ANKRD26: variants seen among roughly 807,000 people sequenced by gnomAD.
The protein encoded by ANKRD26 is ankyrin repeat domain 26.
Under a neutral mutation model 208.7 loss-of-function variants are expected in ANKRD26, and 141 were observed. That is an observed-to-expected ratio of 0.68 (90% confidence interval 0.59 to 0.78). The LOEUF (loss-of-function observed/expected upper bound fraction) is 0.78, where lower values mean the gene tolerates loss of function less well. ANKRD26 is among the 30% of genes least tolerant of loss of function. The pLI, the probability that ANKRD26 is intolerant of heterozygous loss-of-function variation, is 0.00. For missense variants in ANKRD26, 1,889 were observed against 1,938.7 expected (o/e 0.97, Z 0.48); for synonymous variants, 636 against 660.4 (o/e 0.96, Z 0.57).
chr10:27,016,966 T>A (rs2053315446), intron 30 of ANKRD26, among the ~76,000 whole-genome samples: 2 of 152,016 alleles, frequency 1.3e-5, no homozygotes, highest in South Asian at 4.2e-4. Flanking sequence ...AGCAGGAGGA[T>A]CACTTGAAGC....
chr10:27,088,892 G>C (rs1279875604), intron 4 of ANKRD26, among the ~76,000 whole-genome samples: 1 of 152,206 alleles, frequency 6.6e-6, no homozygotes, highest in East Asian at 1.9e-4. Flanking sequence ...TCAAGGCTAA[G>C]ATATGGTCTC....
chr10:27,064,116 T>G, intron 11 of ANKRD26, 35 bp from the exon 12 acceptor site: 1 of 1,422,518 alleles, frequency 7.0e-7, no homozygotes, highest in Non-Finnish European at 9.8e-7. Flanking sequence ...AGTTTCAATT[T>G]TACAAAAAGA....
At position 27,037,983 on chromosome 10, in the gene ANKRD26, A is replaced by G. The variant is rs2054098660; in HGVS notation, c.2447T>C (p.Leu816Ser). The change falls in exon 22 of 34, where the codon TTA becomes TCA. Residue 816 changes from leucine (L) to serine (S), a missense_variant. Physicochemically the swap from Leu to Ser is moderately radical, Grantham distance 145. Around this residue, in one of 3 missense-constraint regions of ANKRD26, gnomAD observed 1,272 missense variants for 1,273.8 expected, o/e 1.00. Coordinates refer to ENST00000376087, the MANE Select transcript of ANKRD26 (RefSeq NM_014915.3). ...CCTATATTGCTCTTCTTTTCTTCTT[A>G]ACTGTTCCCTAATTTTTTCATACAA... ...DTLYEKIREQLRRKEEQYRKE... is the reference protein window; with the variant it reads ...DTLYEKIREQSRRKEEQYRKE... 2 of 1,612,902 alleles carry G rather than the reference A, an allele frequency of 1.2e-6. No homozygotes were observed. Among genetic ancestry groups the G allele is most frequent in the Non-Finnish European group, 1.7e-6 (2 of 1,179,710 alleles).
intron 3 of ANKRD26, among the ~76,000 whole-genome samples, chr10:26,986,101 A>C (rs1442468525): frequency 6.6e-6 from 1 of 152,192 alleles, no homozygotes; most frequent in African/African-American, 2.4e-5. Flanking sequence ...ATGGAACAGA[A>C]CAGAGCCCTC....
intron 21 of ANKRD26, among the ~76,000 whole-genome samples, chr10:27,039,345 T>C (rs1312141456): frequency 6.6e-6 from 1 of 151,994 alleles, no homozygotes; most frequent in East Asian, 1.9e-4. Flanking sequence ...TCCCAGCTTC[T>C]TGTGAGGCTG....
chr10:27,096,308 G>A (rs1275155355), intron 1 of ANKRD26, among the ~76,000 whole-genome samples: 1 of 150,732 alleles, frequency 6.6e-6, no homozygotes, highest in Non-Finnish European at 1.5e-5. Context: ...GTATTACAAT[G>A]CTAATGCAAG....
At position 27,077,342 on chromosome 10, in the gene ANKRD26, A is replaced by AT; in HGVS notation, c.1072dup (p.Met358AsnfsTer18). ...GTTTTTTAAAAAACAACTTACCTTC[A>AT]TAAGACCAGGGTTTGCTAACGACTT... is the stretch of plus-strand genomic sequence containing the variant. On this transcript the variant is annotated frameshift_variant, in exon 9 of 34. Transcript: ENST00000376087. LOFTEE classifies it high-confidence loss of function. 1 of 1,612,922 alleles carries AT rather than the reference A, an allele frequency of 6.2e-7. No homozygotes were observed. The highest frequency in any genetic ancestry group is 8.5e-7 in the Non-Finnish European group (1 of 1,178,938).
intron 5 of ANKRD26, chr10:26,992,106 A>C (rs1395490092): frequency 6.6e-6 from 1 of 152,196 alleles, no homozygotes; most frequent in Non-Finnish European, 1.5e-5. Context: ...CCTTGTGGGC[A>C]AATTGTGAGG....
At chr10:27,091,275 A>C (rs1213292921) in intron 4 of ANKRD26, among the ~76,000 whole-genome samples, 1 of 152,190 alleles carries the variant, frequency 6.6e-6, no homozygotes, top group Non-Finnish European at 1.5e-5. Context: ...GGTGATAAGT[A>C]AGGTCCCCAA....
the ANKRD26 span, among the ~76,000 whole-genome samples, chr10:26,948,726 G>A: frequency 1.3e-5 from 2 of 152,154 alleles, no homozygotes; most frequent in South Asian, 2.1e-4. Context: ...GCTGGCTCAC[G>A]CCTGTAATCC....
At chr10:27,047,736 AATAATT>A (rs1294367446) in intron 17 of ANKRD26, among the ~76,000 whole-genome samples, 4,245 of 48,686 alleles carry the variant, frequency 0.087, 75 homozygotes, top group Non-Finnish European at 0.2. Flanking sequence ...TAATAATAAT[AATAATT>A]ATTATTATTA....
chr10:27,081,166 C>T (rs990034386), intron 6 of ANKRD26, among the ~76,000 whole-genome samples: 1 of 152,178 alleles, frequency 6.6e-6, no homozygotes, highest in African/African-American at 2.4e-5. Flanking sequence ...AAAAAAGCAA[C>T]AACCTGTTCA....
At chr10:26,948,142 T>TTG in the ANKRD26 span, among the ~76,000 whole-genome samples, 1 of 152,220 alleles carries the variant, frequency 6.6e-6, no homozygotes, top group African/African-American at 2.4e-5. Context: ...GGTTTCACAA[T>TTG]GTTTGCCAGG....
In ANKRD26 at chr10:27,005,695, T is replaced by C; in HGVS notation, c.5028A>G (p.Ile1676Met). 1 of 1,611,160 alleles carries C rather than the reference T, an allele frequency of 6.2e-7. No individual in the cohort carries two copies. Among genetic ancestry groups the C allele is most frequent in the Non-Finnish European group, 8.5e-7 (1 of 1,178,550 alleles). The part of the protein sequence containing the change: ...EAAAELESGS[I>M]ASPLGSTDES... ...CATCAGTAGACCCTAGAGGGGAAGC[T>C]ATTGATCCAGATTCCAATTCAGCAG... Residue 1676 changes from isoleucine to methionine, a missense_variant, in exon 34 of 34, where the codon ATA becomes ATG. This residue lies in a region of ANKRD26 where 613 missense variants were observed against 648.2 expected (regional missense o/e 0.95). Transcript: ENST00000376087.
intron 15 of ANKRD26, among the ~76,000 whole-genome samples, chr10:27,059,522 T>A (rs753832515): frequency 1.3e-5 from 2 of 152,158 alleles, no homozygotes; most frequent in African/African-American, 2.4e-5. Context: ...GTTGGTTACC[T>A]CTATGCAATA....
chr10:27,093,078 G>C (rs988335624), intron 3 of ANKRD26, among the ~76,000 whole-genome samples: 1 of 151,250 alleles, frequency 6.6e-6, no homozygotes, highest in South Asian at 2.1e-4. Context: ...GACAGAGCAA[G>C]ACTCTGTCTC....
the ANKRD26 span, among the ~76,000 whole-genome samples, chr10:26,959,572 G>A: frequency 6.6e-6 from 1 of 151,442 alleles, no homozygotes; most frequent in African/African-American, 2.4e-5. Context: ...AAGAGAGAAA[G>A]CAATATAAAT....
In ANKRD26 at chr10:27,084,951, AC is replaced by A. The variant is rs368282290; in HGVS notation, c.709+1587del. On this transcript the variant is annotated intron_variant, in intron 5 of 33. Coordinates refer to ENST00000376087, the MANE Select transcript of ANKRD26 (RefSeq NM_014915.3). ...AGAGTCTCCCATTGGACATTTTTGT[AC>A]TTTCATTATAATTTGTTGAGCGCAG... 6.7e-4 allele frequency among the ~76,000 whole-genome samples: 99 copies of A among 148,038 alleles called. 1 individual carries two copies. In the East Asian group the frequency reaches 0.018, roughly 27 times the overall value.
chr10:27,078,378 A>G (rs1475610499), intron 7 of ANKRD26, among the ~76,000 whole-genome samples: 1 of 152,198 alleles, frequency 6.6e-6, no homozygotes, highest in Non-Finnish European at 1.5e-5. Context: ...ACAGAACTGA[A>G]GAAATGTATT....
Sources: allele counts gnomAD v4.1 joint callset (sites outside exome capture counted in the v4.1 genomes callset), GRCh38; gene constraint gnomAD v4.1.1; regional missense constraint gnomAD v4.1.1; transcripts MANE v1.5; gene names NCBI Gene and HGNC (gene_info 2026-07-23, HGNC 2026-07-21).